CSNK2A1: variants seen among roughly 807,000 people sequenced by gnomAD.
CSNK2A1 encodes casein kinase 2 alpha 1, also known as casein kinase II subunit alpha.
In CSNK2A1, 10 loss-of-function variants were observed where a neutral mutation model predicts 62.9. That is an observed-to-expected ratio of 0.16 (90% confidence interval 0.10 to 0.27). The LOEUF (loss-of-function observed/expected upper bound fraction) is 0.27. Among genes scored for constraint, CSNK2A1 ranks in the 10% least tolerant of loss-of-function variants. The pLI is 1.00. For synonymous variants in CSNK2A1, 124 were observed against 167.8 expected (o/e 0.74, Z 2.02); for missense variants, 160 against 492.0 (o/e 0.33, Z 6.38).
intron 2 of CSNK2A1, among the ~76,000 whole-genome samples, chr20:521,400 A>G (rs1360433531): frequency 2.6e-5 from 4 of 152,230 alleles, no homozygotes; most frequent in Non-Finnish European, 1.5e-5. Flanking sequence ...AAAAAAACAG[A>G]AAACAAAACT....
chr20:475,949 G>C lies in CSNK2A1; in HGVS notation c.*8012C>G, dbSNP rs531977741. 6.6e-6 allele frequency: 1 copy of C among 152,348 alleles called. No individual in the cohort carries two copies. Among genetic ancestry groups the C allele is most frequent in the African/African-American group, 2.4e-5 (1 of 41,578 alleles). 9.4% of individuals were successfully genotyped at this position (152,348 alleles called of 1,614,324 possible). Reference sequence around the variant, plus strand: ...CTTGGGCTGAACTTGATCTAGATCAGCTGAACTACATACAGTTGCCTTAGA... The same window carrying C: ...CTTGGGCTGAACTTGATCTAGATCACCTGAACTACATACAGTTGCCTTAGA... On this transcript the variant is annotated 3_prime_UTR_variant, in exon 14 of 14. Transcript: ENST00000217244.
chr20:531,682 G>T (rs2019216210), intron 1 of CSNK2A1, among the ~76,000 whole-genome samples: 3 of 152,064 alleles, frequency 2.0e-5, no homozygotes, highest in Admixed American at 2.0e-4. Flanking sequence ...AGGCTAACTT[G>T]GTGATTTACA....
chr20:523,858 C>CAAAAAAAAAAAAA (rs11401840), intron 2 of CSNK2A1, among the ~76,000 whole-genome samples: 2 of 45,540 alleles, frequency 4.4e-5, no homozygotes, highest in Admixed American at 2.2e-4. Flanking sequence ...GACTCCATCT[C>CAAAAAAAAAAAAA]AAAAAAAAAA....
chr20:530,387 T>A (rs2019188250), intron 1 of CSNK2A1, among the ~76,000 whole-genome samples: 1 of 152,150 alleles, frequency 6.6e-6, no homozygotes, highest in Non-Finnish European at 1.5e-5. Context: ...CACTGACAGA[T>A]ATTTGGACTG....
intron 4 of CSNK2A1, 199 bp downstream of exon 4, chr20:504,919 C>T (rs759579630): frequency 5.5e-6 from 3 of 543,568 alleles, no homozygotes; most frequent in Non-Finnish European, 9.6e-6. Flanking sequence ...TATGAGTCAA[C>T]TCAAATCACT....
intron 11 of CSNK2A1, 140 bp downstream of exon 11, chr20:488,538 A>G (rs1355022296): frequency 3.8e-6 from 3 of 797,308 alleles, no homozygotes; most frequent in Non-Finnish European, 6.1e-6. Flanking sequence ...GGCCTGCTCA[A>G]TGCAGCATCC....
At chr20:516,415 T>G (rs944371627) in intron 2 of CSNK2A1, among the ~76,000 whole-genome samples, 1 of 152,208 alleles carries the variant, frequency 6.6e-6, no homozygotes, top group Non-Finnish European at 1.5e-5. Context: ...TGAAGTAAGA[T>G]CACATCGAAG....
intron 7 of CSNK2A1, 89 bp from the exon 8 acceptor site, chr20:495,891 C>T: frequency 9.7e-7 from 1 of 1,029,284 alleles, no homozygotes. Flanking sequence ...TCCTTTTAGC[C>T]TCACAATACC....
intron 2 of CSNK2A1, among the ~76,000 whole-genome samples, chr20:514,361 CAAACAAA>C (rs1568540736): frequency 3.3e-5 from 5 of 151,020 alleles, no homozygotes; most frequent in African/African-American, 1.2e-4. Context: ...AACAAACAAA[CAAACAAA>C]AAACAAAAAC....
intron 2 of CSNK2A1, among the ~76,000 whole-genome samples, chr20:522,275 G>C (rs1225755277): frequency 6.6e-6 from 1 of 152,230 alleles, no homozygotes; most frequent in African/African-American, 2.4e-5. Context: ...GCTTGGAAAG[G>C]GAGAAATAGC....
chr20:528,799 A>C (rs867151076), intron 1 of CSNK2A1, among the ~76,000 whole-genome samples: 1 of 152,182 alleles, frequency 6.6e-6, no homozygotes. Flanking sequence ...CCATGACCTA[A>C]GTAATGTCTT....
At chr20:490,003 T>C in intron 9 of CSNK2A1, 122 bp from the exon 10 acceptor site, 2 of 682,408 alleles carry the variant, frequency 2.9e-6, no homozygotes, top group Non-Finnish European at 4.5e-6. Context: ...AAAACACTAA[T>C]AACATCTTCA....
chr20:492,322 C>G lies in CSNK2A1; in HGVS notation c.553G>C (p.Gly185Arg), dbSNP rs1323720112. ...GCAACTCGGACATTATATTCTTGGC[C>G]AGGATGATAAAACTCAGCCAAACCC... Reference protein sequence around the residue: ...DWGLAEFYHPGQEYNVRVASR... With the variant: ...DWGLAEFYHPRQEYNVRVASR... The change falls in exon 9 of 14, where the codon GGC becomes CGC. Residue 185 changes from glycine (G) to arginine (R), a missense_variant. By Grantham distance (125) the Gly-to-Arg change is moderately radical. Transcript: ENST00000217244. 1 of 1,614,016 alleles carries G rather than the reference C, an allele frequency of 6.2e-7. No individual in the cohort carries two copies.
At chr20:489,671 AG>A (rs1191209970) in intron 10 of CSNK2A1, 108 bp downstream of exon 10, 76 of 797,192 alleles carry the variant, frequency 9.5e-5, no homozygotes, top group Non-Finnish European at 1.4e-4. Context: ...CATCAATCTA[AG>A]GATCAATATC....
At chr20:525,521 G>A (rs2019063127) in intron 2 of CSNK2A1, among the ~76,000 whole-genome samples, 1 of 151,436 alleles carries the variant, frequency 6.6e-6, no homozygotes, top group Non-Finnish European at 1.5e-5. Context: ...CATGGTGGCG[G>A]GCGCCTGTAA....
At chr20:490,334 T>C (rs2018192790) in intron 9 of CSNK2A1, among the ~76,000 whole-genome samples, 1 of 132,636 alleles carries the variant, frequency 7.5e-6, no homozygotes, top group Admixed American at 7.3e-5. Context: ...GCTAGTTTTT[T>C]CTTTTTTTTT....
chr20:486,343 A>T (rs1568498517), intron 13 of CSNK2A1, 33 bp downstream of exon 13: 7 of 1,612,232 alleles, frequency 4.3e-6, no homozygotes, highest in Non-Finnish European at 5.9e-6. Context: ...TGACTTCCAC[A>T]TTTTTTTAAA....
At chr20:531,523 TG>T (rs1384684187) in intron 1 of CSNK2A1, among the ~76,000 whole-genome samples, 1 of 152,198 alleles carries the variant, frequency 6.6e-6, no homozygotes, top group Non-Finnish European at 1.5e-5. Context: ...ATGAGATCAG[TG>T]GCCATGAACT....
At chr20:484,694 TTGTGTGTGTG>T (rs3055006) in intron 13 of CSNK2A1, among the ~76,000 whole-genome samples, 20 of 147,712 alleles carry the variant, frequency 1.4e-4, no homozygotes, top group African/African-American at 3.0e-4. Context: ...AATCATGTTT[TTGTGTGTGTG>T]TGTGTGTGTG....
Sources: allele counts gnomAD v4.1 joint callset (sites outside exome capture counted in the v4.1 genomes callset), GRCh38; gene constraint gnomAD v4.1.1; transcripts MANE v1.5; gene names NCBI Gene and HGNC (gene_info 2026-07-23, HGNC 2026-07-21).